The following TRPC4AP variants were observed in gnomAD, a reference collection of about 807,000 sequenced individuals.
The protein encoded by TRPC4AP is short transient receptor potential channel 4-associated protein.
Under a neutral mutation model 99.0 loss-of-function variants are expected in TRPC4AP, and 45 were observed. That is an observed-to-expected ratio of 0.45 (90% CI 0.36 to 0.58). The LOEUF (loss-of-function observed/expected upper bound fraction) is 0.58. Ranked by LOEUF, TRPC4AP falls within the 20% of genes least tolerant of loss-of-function variation. The pLI, the probability that TRPC4AP is intolerant of heterozygous loss-of-function variation, is 0.00. For missense variants in TRPC4AP, 879 were observed against 985.3 expected (o/e 0.89, Z 1.44); for synonymous variants, 408 against 385.8 (o/e 1.06, Z -0.67).
chr20:35,064,488 C>T (rs2084089309), intron 3 of TRPC4AP, among the ~76,000 whole-genome samples: 1 of 152,168 alleles, frequency 6.6e-6, no homozygotes, highest in Admixed American at 6.5e-5. Context: ...AATTCAACAT[C>T]CTGAATTAAG....
chr20:35,003,927 G>A (rs752183923), intron 17 of TRPC4AP, among the ~76,000 whole-genome samples: 13 of 152,304 alleles, frequency 8.5e-5, no homozygotes, highest in East Asian at 1.9e-4. Context: ...GGCTGGGTGC[G>A]TGTGTTGGGG....
chr20:35,050,894 G>A (rs1384486221), intron 5 of TRPC4AP, among the ~76,000 whole-genome samples: 1 of 152,086 alleles, frequency 6.6e-6, no homozygotes, highest in Non-Finnish European at 1.5e-5. Flanking sequence ...CTACCCCGGA[G>A]GCTGAGGTGA....
chr20:35,081,525 GAAAATAAAATAAAATAAAAAT>G (rs1050652789), intron 1 of TRPC4AP, among the ~76,000 whole-genome samples: 2 of 149,694 alleles, frequency 1.3e-5, no homozygotes, highest in African/African-American at 4.9e-5. Context: ...AAAATAAATA[GAAAATAAAATAAAATAAAAAT>G]AAAATAAAAT....
chr20:35,052,901 A>G (rs1396026428), intron 5 of TRPC4AP, among the ~76,000 whole-genome samples: 3 of 151,962 alleles, frequency 2.0e-5, no homozygotes, highest in Non-Finnish European at 4.4e-5. Context: ...AATTCCAAAC[A>G]TTTCCTGTTT....
chr20:35,006,374 G>C, intron 15 of TRPC4AP, 61 bp downstream of exon 15: 2 of 1,587,092 alleles, frequency 1.3e-6, no homozygotes, highest in South Asian at 1.1e-5. Flanking sequence ...TGGCAGACCA[G>C]GACTCCAGGT....
At chr20:35,058,651 ATT>A (rs1015835105) in intron 3 of TRPC4AP, among the ~76,000 whole-genome samples, 136 of 150,324 alleles carry the variant, frequency 9.0e-4, no homozygotes, top group African/African-American at 3.2e-3. Context: ...TCAGAGGGAA[ATT>A]TATAGCTGTA....
At chr20:35,086,724 T>C (rs1424963072) in intron 1 of TRPC4AP, among the ~76,000 whole-genome samples, 2 of 151,934 alleles carry the variant, frequency 1.3e-5, no homozygotes, top group African/African-American at 4.8e-5. Context: ...TAGTGCCTAA[T>C]GAAATTTTTT....
At chr20:35,080,804 GT>G (rs34370030) in intron 1 of TRPC4AP, among the ~76,000 whole-genome samples, 9,041 of 49,554 alleles carry the variant, frequency 0.18, 903 homozygotes, top group African/African-American at 0.43. Context: ...GTACACTTCA[GT>G]TTTTTTTTTT....
intron 1 of TRPC4AP, among the ~76,000 whole-genome samples, chr20:35,083,269 C>A (rs1252234201): frequency 6.6e-6 from 1 of 152,066 alleles, no homozygotes; most frequent in East Asian, 1.9e-4. Flanking sequence ...AGGAATAAAT[C>A]TAACAAAGTT....
At chr20:35,027,025 C>A in intron 8 of TRPC4AP, among the ~76,000 whole-genome samples, 1 of 150,054 alleles carries the variant, frequency 6.7e-6, no homozygotes, top group South Asian at 2.1e-4. Context: ...AATTTGCATG[C>A]CTTTAATTTC....
intron 2 of TRPC4AP, among the ~76,000 whole-genome samples, chr20:35,071,971 G>A (rs951757509): frequency 6.6e-5 from 10 of 152,148 alleles, no homozygotes; most frequent in South Asian, 4.1e-4. Context: ...TTTAATAATC[G>A]CCATTCTAAC....
At chr20:35,075,626 C>T (rs999772113) in intron 2 of TRPC4AP, among the ~76,000 whole-genome samples, 16 of 152,188 alleles carry the variant, frequency 1.1e-4, no homozygotes, top group Admixed American at 9.2e-4. Flanking sequence ...CCAAGAGAAC[C>T]GCTGTTAGTC....
chr20:35,082,006 C>A (rs1037794842), intron 1 of TRPC4AP, among the ~76,000 whole-genome samples: 1 of 150,958 alleles, frequency 6.6e-6, no homozygotes, highest in Non-Finnish European at 1.5e-5. Context: ...AAAACAAAAA[C>A]AACAACAACA....
chr20:35,070,216 ATTC>A (rs2084270518), intron 2 of TRPC4AP, among the ~76,000 whole-genome samples: 2 of 152,010 alleles, frequency 1.3e-5, no homozygotes, highest in African/African-American at 4.8e-5. Context: ...CAGATAAATG[ATTC>A]TTGTTACTTC....
chr20:35,049,566 T>C (rs1034168029), intron 6 of TRPC4AP, among the ~76,000 whole-genome samples: 8 of 152,170 alleles, frequency 5.3e-5, no homozygotes, highest in Non-Finnish European at 1.0e-4. Context: ...CCAACGGTGA[T>C]GAGTGAGGGG....
chr20:35,014,384 C>T (rs2082705031), intron 10 of TRPC4AP, among the ~76,000 whole-genome samples: 1 of 135,962 alleles, frequency 7.4e-6, no homozygotes. Flanking sequence ...GTGGCGTGAT[C>T]TCAGCTCACT....
At chr20:35,066,167 G>A (rs917621717) in intron 3 of TRPC4AP, among the ~76,000 whole-genome samples, 2 of 151,894 alleles carry the variant, frequency 1.3e-5, no homozygotes, top group Non-Finnish European at 2.9e-5. Flanking sequence ...TTCATGGTGC[G>A]ATCTCGGCTC....
Position 35,049,949 on chromosome 20 carries a change from T to C in TRPC4AP, c.574A>G (p.Ile192Val), listed in dbSNP as rs1162744663. ...CTTGTCATCAATGTAAACAGGAAGA[T>C]CACAAAGTCATTCTTTTCTGCCAAA... ...KRLAEKNDFV[I>V]FLFTLMTSKK... is the part of the protein sequence containing the mutation. Residue 192 changes from isoleucine to valine, a missense_variant, in exon 6 of 19, where the codon ATC (isoleucine) becomes GTC (valine). By Grantham distance (29) the Ile-to-Val change is conservative. Around this residue, in one of 3 missense-constraint regions of TRPC4AP, gnomAD observed 603 missense variants for 631.8 expected, o/e 0.95. Transcript: ENST00000252015. 7 of 1,613,994 alleles carry C rather than the reference T, an allele frequency of 4.3e-6. No homozygotes were observed. Among genetic ancestry groups the C allele is most frequent in the Non-Finnish European group, 5.9e-6 (7 of 1,180,010 alleles).
chr20:35,047,365 T>C (rs2083584318), intron 6 of TRPC4AP, among the ~76,000 whole-genome samples: 1 of 152,242 alleles, frequency 6.6e-6, no homozygotes, highest in South Asian at 2.1e-4. Flanking sequence ...GAAAATGATA[T>C]ACTACCTACA....
Sources: allele counts gnomAD v4.1 joint callset (sites outside exome capture counted in the v4.1 genomes callset), GRCh38; gene constraint gnomAD v4.1.1; regional missense constraint gnomAD v4.1.1; transcripts MANE v1.5; gene names NCBI Gene and HGNC (gene_info 2026-07-23, HGNC 2026-07-21).